SH3BGRL2: variants seen among roughly 807,000 people sequenced by gnomAD.
The protein encoded by SH3BGRL2 is SH3 domain binding glutamate rich protein like 2, also known as SH3 domain-binding glutamic acid-rich-like protein 2.
SH3BGRL2 carries 21 observed loss-of-function variants against 14.8 expected under a neutral mutation model. The observed-to-expected ratio is 1.42, with a 90% CI of 1.01 to 2.05. The LOEUF is 2.05. Among genes scored for constraint, SH3BGRL2 ranks in the 30% most tolerant of loss-of-function variants. SH3BGRL2 has a pLI of 0.00. For missense variants in SH3BGRL2, 147 were observed against 130.8 expected (o/e 1.12, Z -0.61); for synonymous variants, 50 against 47.8 (o/e 1.05, Z -0.19).
chr6:79,548,203 A>G, the SH3BGRL2 span, among the ~76,000 whole-genome samples: 1 of 152,154 alleles, frequency 6.6e-6, no homozygotes, highest in Non-Finnish European at 1.5e-5. Context: ...TTCACTTACT[A>G]ATTACACAAC....
intron 2 of SH3BGRL2, among the ~76,000 whole-genome samples, chr6:79,684,825 C>A (rs1304504630): frequency 6.6e-6 from 1 of 152,142 alleles, no homozygotes; most frequent in Admixed American, 6.5e-5. Context: ...AATCTGTATT[C>A]CAAGGCCTTC....
At chr6:79,580,337 A>G in the SH3BGRL2 span, among the ~76,000 whole-genome samples, 5 of 152,228 alleles carry the variant, frequency 3.3e-5, no homozygotes, top group African/African-American at 1.2e-4. Flanking sequence ...AACAGAATAT[A>G]CATTCTTCTC....
At chr6:79,565,077 CT>C in the SH3BGRL2 span, among the ~76,000 whole-genome samples, 1 of 152,090 alleles carries the variant, frequency 6.6e-6, no homozygotes, top group African/African-American at 2.4e-5. Context: ...GATAATTGCT[CT>C]TTTTTTCCCC....
the SH3BGRL2 span, among the ~76,000 whole-genome samples, chr6:79,595,472 A>G: frequency 6.6e-6 from 1 of 152,234 alleles, no homozygotes; most frequent in African/African-American, 2.4e-5. Flanking sequence ...GGCAAATGAT[A>G]TTAATAGTAT....
At chr6:79,547,758 C>T in the SH3BGRL2 span, among the ~76,000 whole-genome samples, 1 of 151,986 alleles carries the variant, frequency 6.6e-6, no homozygotes, top group African/African-American at 2.4e-5. Context: ...CTGGAGTTCC[C>T]CTATGCATAG....
intron 2 of SH3BGRL2, among the ~76,000 whole-genome samples, chr6:79,685,782 C>T (rs1390611001): frequency 2.0e-5 from 3 of 152,132 alleles, no homozygotes; most frequent in African/African-American, 7.2e-5. Context: ...TACTAAATCC[C>T]TGTGGCTTAA....
At chr6:79,539,241 A>G in the SH3BGRL2 span, among the ~76,000 whole-genome samples, 59 of 152,362 alleles carry the variant, frequency 3.9e-4, no homozygotes, top group Middle Eastern at 3.4e-3. Context: ...ACCCCAAAAT[A>G]TGAGAAAGCA....
At chr6:79,554,125 C>G in the SH3BGRL2 span, among the ~76,000 whole-genome samples, 1 of 131,956 alleles carries the variant, frequency 7.6e-6, no homozygotes, top group Non-Finnish European at 1.6e-5. Context: ...ATTATGTAGT[C>G]AGTCGAGCCA....
the SH3BGRL2 span, among the ~76,000 whole-genome samples, chr6:79,599,081 CAAA>C: frequency 8.0e-5 from 9 of 112,266 alleles, no homozygotes; most frequent in Admixed American, 9.0e-5. Flanking sequence ...AACTCTGTCT[CAAA>C]AAAAAAAAAA....
the SH3BGRL2 span, among the ~76,000 whole-genome samples, chr6:79,620,955 G>A: frequency 2.0e-5 from 3 of 151,904 alleles, no homozygotes; most frequent in South Asian, 2.1e-4. Flanking sequence ...TAGAGTTGGG[G>A]TTTCGCTATG....
At chr6:79,586,244 T>C in the SH3BGRL2 span, among the ~76,000 whole-genome samples, 1 of 142,182 alleles carries the variant, frequency 7.0e-6, no homozygotes, top group Admixed American at 7.0e-5. Context: ...TCTTTTTTTT[T>C]TTTTTTTTTT....
At chr6:79,684,234 A>T (rs1344188802) in intron 2 of SH3BGRL2, among the ~76,000 whole-genome samples, 1 of 152,066 alleles carries the variant, frequency 6.6e-6, no homozygotes, top group Non-Finnish European at 1.5e-5. Flanking sequence ...ATCCTCCATA[A>T]TTCTGCCCTT....
chr6:79,696,546 A>C lies in SH3BGRL2; in HGVS notation c.293A>C (p.Lys98Thr), dbSNP rs1263629191. The change falls in exon 3 of 4, where the codon AAA (lysine) becomes ACA (threonine). Residue 98 changes from lysine (K) to threonine (T), a missense_variant. By Grantham distance (78) the Lys-to-Thr change is moderately conservative. Coordinates refer to ENST00000369838, the MANE Select transcript of SH3BGRL2 (RefSeq NM_031469.4). The part of the protein sequence containing the change: ...SNTVFSFLGL[K>T]PRLASKAEP Reference sequence around the variant, plus strand: ...ACAGTCTTTTCATTTTTAGGCCTGAAACCACGGTTGGCATCAAAGGTAGGT... The same window carrying C: ...ACAGTCTTTTCATTTTTAGGCCTGACACCACGGTTGGCATCAAAGGTAGGT... The C allele has an allele frequency of 6.4e-7, 1 of 1,571,562 alleles. No homozygotes were observed. Among genetic ancestry groups the C allele is most frequent in the Non-Finnish European group, 8.6e-7 (1 of 1,167,662 alleles).
intron 1 of SH3BGRL2, among the ~76,000 whole-genome samples, chr6:79,648,508 C>T (rs1015237408): frequency 6.6e-6 from 1 of 151,160 alleles, no homozygotes; most frequent in Non-Finnish European, 1.5e-5. Context: ...TATTCTTTCC[C>T]CTCCCTTCCA....
intron 2 of SH3BGRL2, among the ~76,000 whole-genome samples, chr6:79,676,958 T>A (rs1018879219): frequency 1.3e-5 from 2 of 152,190 alleles, no homozygotes; most frequent in African/African-American, 4.8e-5. Context: ...GTCAATGGCA[T>A]CTTCTGTGCT....
chr6:79,577,584 T>C, the SH3BGRL2 span, among the ~76,000 whole-genome samples: 2 of 152,040 alleles, frequency 1.3e-5, no homozygotes, highest in Non-Finnish European at 1.5e-5. Flanking sequence ...ACATTAAAAA[T>C]TAAAAATGAA....
chr6:79,645,928 G>A (rs1037973287), intron 1 of SH3BGRL2, among the ~76,000 whole-genome samples: 4 of 152,154 alleles, frequency 2.6e-5, no homozygotes, highest in East Asian at 1.9e-4. Flanking sequence ...CTACTCTGAG[G>A]TTATTAACTC....
the SH3BGRL2 span, among the ~76,000 whole-genome samples, chr6:79,575,893 G>A: frequency 6.6e-6 from 1 of 151,736 alleles, no homozygotes; most frequent in African/African-American, 2.4e-5. Context: ...CTTCCTTTTT[G>A]CTCCCTGTCT....
intron 3 of SH3BGRL2, among the ~76,000 whole-genome samples, chr6:79,697,806 T>C (rs892477508): frequency 1.3e-5 from 2 of 152,204 alleles, no homozygotes; most frequent in African/African-American, 4.8e-5. Flanking sequence ...TTCAAAGAAC[T>C]GGAAAAAACT....
Sources: gnomAD v4.1 joint callset for allele counts (sites outside exome capture counted in the v4.1 genomes callset) on GRCh38, gnomAD v4.1.1 for gene constraint, MANE v1.5 for transcripts, NCBI Gene and HGNC (gene_info 2026-07-23, HGNC 2026-07-21) for gene names.